The following DHX35 variants were observed in gnomAD, a reference collection of about 807,000 sequenced individuals.
The protein encoded by DHX35 is DEAH-box helicase 35.
In DHX35, 84 loss-of-function variants were observed where a neutral mutation model predicts 99.6. That is an observed-to-expected ratio of 0.84 (90% CI 0.71 to 1.01). DHX35 has a LOEUF of 1.01. DHX35 is among the 50% of genes least tolerant of loss of function. The pLI, the probability that DHX35 is intolerant of heterozygous loss-of-function variation, is 0.00. For missense variants in DHX35, 852 were observed against 888.5 expected, an observed-to-expected ratio of 0.96 and a Z score of 0.52; for synonymous variants, 331 against 316.2, an observed-to-expected ratio of 1.05 and a Z score of -0.50.
chr20:38,964,277 G>C (rs1445345672), intron 1 of DHX35, among the ~76,000 whole-genome samples: 1 of 152,192 alleles, frequency 6.6e-6, no homozygotes, highest in Non-Finnish European at 1.5e-5. Flanking sequence ...AGAATGTCCA[G>C]AAAGCCAAAA....
At chr20:38,995,546 C>A (rs1388457008) in intron 8 of DHX35, among the ~76,000 whole-genome samples, 3 of 152,032 alleles carry the variant, frequency 2.0e-5, no homozygotes, top group African/African-American at 7.3e-5. Flanking sequence ...AAAGTTTCTC[C>A]TGTATATATA....
chr20:39,001,611 A>G (rs2086520950), intron 8 of DHX35, 119 bp from the exon 9 acceptor site: 1 of 675,548 alleles, frequency 1.5e-6, no homozygotes. Context: ...TCTGTATTGC[A>G]CATATATAAT....
Position 39,018,888 on chromosome 20 carries a change from T to C in DHX35, c.1487T>C (p.Leu496Pro), listed in dbSNP as rs1482202581. 1 of 1,614,148 alleles carries C rather than the reference T, an allele frequency of 6.2e-7. No homozygotes were observed. The highest frequency in any genetic ancestry group is 2.2e-5 in the East Asian group (1 of 44,872). Residue 496 changes from leucine to proline, a missense_variant, in exon 15 of 22, where the codon CTG (leucine) becomes CCG (proline). Leu to Pro is a moderately conservative substitution (Grantham distance 98). Transcript: ENST00000252011. ...TTGAATCCCATGTTTGCCAAAATGC[T>C]GCTTGAATCAGGTGGGTAGAGCCTG... ...FPLNPMFAKM[L>P]LESGNFGCSQ...
At chr20:38,971,314 C>T (rs2085992870) in intron 2 of DHX35, among the ~76,000 whole-genome samples, 1 of 152,110 alleles carries the variant, frequency 6.6e-6, no homozygotes. Context: ...GATTGCACCA[C>T]TGCACTCCTG....
At position 38,965,636 on chromosome 20, in the gene DHX35, G is replaced by A. The variant is rs142765047; in HGVS notation, c.40+3229G>A. Among the ~76,000 whole-genome samples, 30 of 152,028 alleles carry A rather than the reference G, an allele frequency of 2.0e-4. No individual in the cohort carries two copies. The East Asian group carries it at 5.6e-3, about 28-fold the overall frequency. On this transcript the variant is annotated intron_variant, in intron 1 of 21. Coordinates refer to ENST00000252011, the MANE Select transcript of DHX35 (RefSeq NM_021931.4). The stretch of plus-strand genomic sequence containing the variant: ...AGTTGCCCAATTTTTTTTTTAAGAA[G>A]CCTAATATCCAGATCTGAATGGGAA...
Position 38,969,317 on chromosome 20 carries a change from T to A in DHX35, c.174+103T>A, listed in dbSNP as rs567679699. ...ATGATGGCCTCTTTCTAGAACACAG[T>A]GAGCTCAGAGAAACCCTTACTGTAA... On this transcript the variant is annotated intron_variant, in intron 2 of 21. Coordinates refer to ENST00000252011, the MANE Select transcript of DHX35 (RefSeq NM_021931.4). 31 of 1,358,532 alleles carry A rather than the reference T, an allele frequency of 2.3e-5. No individual in the cohort carries two copies. In the African/African-American group the frequency reaches 4.3e-4, roughly 19 times the overall value. The allele number at this position is 1,358,532 out of a possible 1,614,324, so 84.2% of individuals were successfully genotyped here.
intron 11 of DHX35, among the ~76,000 whole-genome samples, chr20:39,004,289 T>A (rs1213155709): frequency 6.6e-6 from 1 of 152,240 alleles, no homozygotes; most frequent in Admixed American, 6.5e-5. Flanking sequence ...ATGGTCTCGA[T>A]CTCCTGACCT....
rs11468335 is a variant in DHX35 at position 38,976,418 on chromosome 20, C to CT, written c.267+3783dup. Among the ~76,000 whole-genome samples the CT allele has an allele frequency of 1.5e-3, 196 of 133,192 alleles. 2 individuals are homozygous for CT. Among genetic ancestry groups the CT allele is most frequent in the South Asian group, 6.6e-3 (28 of 4,222 alleles). The allele number at this position is 133,192 out of a possible 152,430, so 87.4% of individuals were successfully genotyped here. A position where few individuals can be genotyped will look rare whatever the true frequency, so the allele number is the denominator to read the frequency against. Reference sequence around the variant, plus strand: ...CTATACATGTTTTAGTATGCCTTGACTTTTTTTTTTTTTTTTACTTATTCT... The same window carrying CT: ...CTATACATGTTTTAGTATGCCTTGACTTTTTTTTTTTTTTTTTACTTATTCT... On this transcript the variant is annotated intron_variant, in intron 3 of 21. Coordinates refer to ENST00000252011, the MANE Select transcript of DHX35 (RefSeq NM_021931.4).
chr20:38,976,418 CTTTTT>C (rs11468335), intron 3 of DHX35, among the ~76,000 whole-genome samples: 6 of 133,214 alleles, frequency 4.5e-5, no homozygotes, highest in Non-Finnish European at 9.7e-5. Flanking sequence ...TATGCCTTGA[CTTTTT>C]TTTTTTTTTT....
chr20:38,985,992 T>C (rs2086243455), intron 4 of DHX35, among the ~76,000 whole-genome samples: 1 of 152,216 alleles, frequency 6.6e-6, no homozygotes, highest in Non-Finnish European at 1.5e-5. Flanking sequence ...TCATGTGGTC[T>C]GGGTTTGACT....
chr20:39,006,367 C>T lies in DHX35; in HGVS notation c.1222+11C>T. Reference sequence around the variant, plus strand: ...ATCGCCTTTATACAGGTTAGTGTGGCTTTCCCTAAGGGTTTTTGACTTTCT... The same window carrying T: ...ATCGCCTTTATACAGGTTAGTGTGGTTTTCCCTAAGGGTTTTTGACTTTCT... On this transcript the variant is annotated intron_variant, in intron 12 of 21. Transcript: ENST00000252011. 6.2e-7 allele frequency: 1 copy of T among 1,612,402 alleles called. No homozygotes were observed.
Position 39,002,862 on chromosome 20 carries a change from T to A in DHX35, c.846T>A (p.Thr282=). The A allele has an allele frequency of 6.2e-7, 1 of 1,614,066 alleles. No individual in the cohort carries two copies. The highest frequency in any genetic ancestry group is 8.5e-7 in the Non-Finnish European group (1 of 1,179,892). ...ACGGAGACGTTTTAGCATTTCTTAC[T>A]GGCCAGGTAATGCCACTGTACTTCT... ...EGDGDVLAFL[T]GQEEVETVVS... is the part of the protein sequence containing the mutation. Residue 282 remains threonine, a synonymous_variant, in exon 10 of 22, where the codon ACT becomes ACA. Transcript: ENST00000252011.
intron 8 of DHX35, among the ~76,000 whole-genome samples, chr20:38,998,004 G>A (rs899603743): frequency 1.3e-5 from 2 of 152,352 alleles, no homozygotes; most frequent in Admixed American, 6.5e-5. Flanking sequence ...GGACTGGGGT[G>A]GCCCAGCCTG....
At chr20:38,988,682 C>G (rs759845769) in intron 4 of DHX35, 131 bp from the exon 5 acceptor site, 16 of 1,277,652 alleles carry the variant, frequency 1.3e-5, no homozygotes, top group Non-Finnish European at 1.4e-5. Context: ...TCTCTAATAA[C>G]TTGTCTCTTT....
At chr20:38,993,113 A>C (rs1384085556) in intron 7 of DHX35, among the ~76,000 whole-genome samples, 1 of 151,276 alleles carries the variant, frequency 6.6e-6, no homozygotes, top group Non-Finnish European at 1.5e-5. Flanking sequence ...GTCTAGAAAG[A>C]AGTGGTAGAA....
At chr20:39,012,368 G>A (rs559556590) in intron 13 of DHX35, among the ~76,000 whole-genome samples, 12 of 152,194 alleles carry the variant, frequency 7.9e-5, no homozygotes, top group African/African-American at 2.9e-4. Flanking sequence ...CAAAAAATAT[G>A]AAGAGTTTTT....
At chr20:39,035,779 A>T (rs1389241779) in intron 21 of DHX35, among the ~76,000 whole-genome samples, 1 of 152,160 alleles carries the variant, frequency 6.6e-6, no homozygotes, top group East Asian at 1.9e-4. Context: ...AAATGGAAGG[A>T]TCTCCTCATC....
chr20:38,994,848 T>C lies in DHX35; in HGVS notation c.610T>C (p.Leu204=), dbSNP rs759558384. 1.2e-5 allele frequency: 20 copies of C among 1,613,738 alleles called. No individual in the cohort carries two copies. The African/African-American group carries it at 1.5e-4, about 12-fold the overall frequency. The stretch of plus-strand genomic sequence containing the variant: ...TCAGAAAAAGCGAGGGGATCTTCGA[T>C]TGATTGTAGCTTCAGCCACTCTGGA... ...KIQKKRGDLR[L]IVASATLDAD... is the part of the protein sequence containing the mutation. The change falls in exon 8 of 22, where the codon TTG becomes CTG. Residue 204 remains leucine (L), a synonymous_variant. Coordinates refer to ENST00000252011, the MANE Select transcript of DHX35 (RefSeq NM_021931.4).
intron 1 of DHX35, among the ~76,000 whole-genome samples, chr20:38,967,010 A>G (rs1000265905): frequency 2.0e-5 from 3 of 152,220 alleles, no homozygotes; most frequent in Admixed American, 1.3e-4. Flanking sequence ...GCAACATGAC[A>G]GTGCCCCACT....
Sources: allele counts gnomAD v4.1 joint callset (sites outside exome capture counted in the v4.1 genomes callset), GRCh38; gene constraint gnomAD v4.1.1; transcripts MANE v1.5; gene names NCBI Gene and HGNC (gene_info 2026-07-23, HGNC 2026-07-21).